The following CCDC34 variants were observed in gnomAD, a reference collection of about 807,000 sequenced individuals.
CCDC34 encodes coiled-coil domain containing 34, also known as coiled-coil domain-containing protein 34.
Under a neutral mutation model 44.1 loss-of-function variants are expected in CCDC34, and 40 were observed. That is an observed-to-expected ratio of 0.91 (90% CI 0.70 to 1.18). The LOEUF is 1.18. Ranked by LOEUF, CCDC34 falls within the 50% of genes most tolerant of loss-of-function variation. The probability of loss-of-function intolerance (pLI) is 0.00; values close to 1 mark genes in which losing one functional copy is unlikely to be tolerated. For missense variants in CCDC34, 466 were observed against 452.3 expected, an observed-to-expected ratio of 1.03 and a Z score of -0.28; for synonymous variants, 159 against 158.2, an observed-to-expected ratio of 1.01 and a Z score of -0.04.
chr11:27,341,284 T>C, intron 4 of CCDC34, 108 bp downstream of exon 4: 1 of 646,592 alleles, frequency 1.5e-6, no homozygotes, highest in Non-Finnish European at 2.5e-6. Flanking sequence ...TGTGTTTATT[T>C]TATGCTAAGA....
chr11:27,341,128 A>C lies in CCDC34; in HGVS notation c.765+264T>G, dbSNP rs11828878. On this transcript the variant is annotated intron_variant, in intron 4 of 5. Coordinates refer to ENST00000328697, the MANE Select transcript of CCDC34 (RefSeq NM_030771.2). Reference sequence around the variant, plus strand: ...GGCAGTAAGACTTCCCATAAAATGCACTGAAAAATATTTAAAAGGAGTAAC... The same window carrying C: ...GGCAGTAAGACTTCCCATAAAATGCCCTGAAAAATATTTAAAAGGAGTAAC... Among the ~76,000 whole-genome samples the C allele has an allele frequency of 4.1e-3, 630 of 152,342 alleles. 1 individual carries two copies. Among genetic ancestry groups the C allele is most frequent in the African/African-American group, 0.014 (600 of 41,584 alleles).
rs1862597418 is a variant in CCDC34, at chr11:27,357,535, C to T, written c.366G>A (p.Gln122=). 1 of 1,613,834 alleles carries T rather than the reference C, an allele frequency of 6.2e-7. No individual in the cohort carries two copies. Reference sequence around the variant, plus strand: ...CTTCTTGGTTATTTTCTGATTCAACCTGAGTGCTACAAAAGAGAGGCTACT... The same window carrying T: ...CTTCTTGGTTATTTTCTGATTCAACTTGAGTGCTACAAAAGAGAGGCTACT... ...GMELQGCAST[Q]VESENNQEEQ... is the part of the protein sequence containing the mutation. The change falls in exon 2 of 6, where the codon CAG becomes CAA. Residue 122 remains glutamine, a synonymous_variant. Transcript: ENST00000328697.
intron 2 of CCDC34, among the ~76,000 whole-genome samples, chr11:27,357,083 A>G (rs1862589422): frequency 2.0e-5 from 3 of 152,210 alleles, no homozygotes; most frequent in African/African-American, 7.2e-5. Flanking sequence ...TTATACATAC[A>G]TTTGTACGTA....
At chr11:27,348,803 GAAAAA>G (rs34797091) in intron 3 of CCDC34, 67 of 761,904 alleles carry the variant, frequency 8.8e-5, no homozygotes, top group Non-Finnish European at 9.4e-5. Flanking sequence ...AGGTCTTAAA[GAAAAA>G]AAAAAAAAAA....
chr11:27,362,124 A>C (rs142005446), intron 1 of CCDC34, among the ~76,000 whole-genome samples: 70 of 152,352 alleles, frequency 4.6e-4, no homozygotes, highest in African/African-American at 1.7e-3. Flanking sequence ...GGATTGATTT[A>C]GGCTTCAATT....
At chr11:27,340,120 G>A (rs1862335375) in intron 5 of CCDC34, among the ~76,000 whole-genome samples, 2 of 152,084 alleles carry the variant, frequency 1.3e-5, no homozygotes, top group African/African-American at 4.8e-5. Flanking sequence ...TCTATTGTGT[G>A]AACAAAACAG....
chr11:27,361,389 A>G (rs79819805), intron 1 of CCDC34, among the ~76,000 whole-genome samples: 9,645 of 152,320 alleles, frequency 0.063, 394 homozygotes, highest in Non-Finnish European at 0.1. Flanking sequence ...TTGTGTCCAG[A>G]TTGCTTAGTC....
chr11:27,362,733 T>C, intron 1 of CCDC34, 103 bp downstream of exon 1: 1 of 1,363,310 alleles, frequency 7.3e-7, no homozygotes, highest in Non-Finnish European at 1.0e-6. Flanking sequence ...AAGTGCCTGC[T>C]CTGCCTTTGG....
intron 1 of CCDC34, among the ~76,000 whole-genome samples, chr11:27,362,314 C>A (rs1862676768): frequency 1.3e-5 from 2 of 152,200 alleles, no homozygotes; most frequent in African/African-American, 4.8e-5. Flanking sequence ...CAGATCCTCT[C>A]TAACCACGTC....
At chr11:27,355,479 C>A (rs1862561580) in intron 2 of CCDC34, among the ~76,000 whole-genome samples, 1 of 152,036 alleles carries the variant, frequency 6.6e-6, no homozygotes, top group Non-Finnish European at 1.5e-5. Flanking sequence ...CAAAAATACA[C>A]CCCAATTCTG....
At chr11:27,349,672 A>C (rs1590326632) in intron 3 of CCDC34, 1 of 982,814 alleles carries the variant, frequency 1.0e-6, no homozygotes, top group East Asian at 1.1e-4. Flanking sequence ...AGAAGAATAT[A>C]TTAAAATTAA....
At chr11:27,355,116 C>T (rs1410660995) in intron 2 of CCDC34, among the ~76,000 whole-genome samples, 1 of 152,148 alleles carries the variant, frequency 6.6e-6, no homozygotes, top group Non-Finnish European at 1.5e-5. Flanking sequence ...CCCTCCTTTT[C>T]TTAATATAAC....
At chr11:27,356,307 T>C (rs1048727207) in intron 2 of CCDC34, among the ~76,000 whole-genome samples, 1 of 152,000 alleles carries the variant, frequency 6.6e-6, no homozygotes, top group Non-Finnish European at 1.5e-5. Flanking sequence ...TGAGCCGCCA[T>C]GCCCGGCCAA....
intron 3 of CCDC34, among the ~76,000 whole-genome samples, chr11:27,347,990 C>G (rs973361507): frequency 6.6e-6 from 1 of 152,114 alleles, no homozygotes; most frequent in Non-Finnish European, 1.5e-5. Flanking sequence ...GAAGACACAA[C>G]AGGCACTCAG....
At chr11:27,360,715 G>A (rs1753875499) in intron 1 of CCDC34, among the ~76,000 whole-genome samples, 1 of 152,176 alleles carries the variant, frequency 6.6e-6, no homozygotes, top group Non-Finnish European at 1.5e-5. Flanking sequence ...ACACCAGAAC[G>A]TGGTTTACTG....
intron 3 of CCDC34, among the ~76,000 whole-genome samples, chr11:27,344,522 GTGT>G (rs1421851891): frequency 1.3e-5 from 2 of 151,494 alleles, no homozygotes; most frequent in African/African-American, 4.8e-5. Flanking sequence ...CTATAAACCT[GTGT>G]TGTACATACG....
At chr11:27,357,360 G>C in intron 2 of CCDC34, 43 bp downstream of exon 2, 1 of 1,568,394 alleles carries the variant, frequency 6.4e-7, no homozygotes, top group Non-Finnish European at 8.7e-7. Context: ...GCTCTACTTT[G>C]TGAGCTCACA....
chr11:27,356,764 A>AT lies in CCDC34; in HGVS notation c.498+638dup, dbSNP rs1003979686. Among the ~76,000 whole-genome samples the AT allele has an allele frequency of 1.6e-4, 24 of 151,424 alleles. 1 individual carries two copies. The highest frequency in any genetic ancestry group is 4.2e-4 in the South Asian group (2 of 4,742). On this transcript the variant is annotated intron_variant, in intron 2 of 5. Transcript: ENST00000328697. Reference sequence around the variant, plus strand: ...AAGAGACTCACGCATGGAAATGTCCATAAGTGAGGGAGGCACAGAGAAACT... The same window carrying AT: ...AAGAGACTCACGCATGGAAATGTCCATTAAGTGAGGGAGGCACAGAGAAACT...
At chr11:27,340,179 T>C (rs1257685748) in intron 5 of CCDC34, among the ~76,000 whole-genome samples, 1 of 152,182 alleles carries the variant, frequency 6.6e-6, no homozygotes, top group Admixed American at 6.5e-5. Context: ...AAGGCAGCTG[T>C]CAGCAAGGTA....
Sources: gnomAD v4.1 joint callset for allele counts (sites outside exome capture counted in the v4.1 genomes callset) on GRCh38, gnomAD v4.1.1 for gene constraint, MANE v1.5 for transcripts, NCBI Gene and HGNC (gene_info 2026-07-23, HGNC 2026-07-21) for gene names.